The following ROBO2 variants were observed in gnomAD, a reference collection of about 807,000 sequenced individuals.
The protein encoded by ROBO2 is roundabout guidance receptor 2, also known as roundabout homolog 2.
A neutral mutation model predicts 160.8 loss-of-function variants in ROBO2; 53 were observed. That is an observed-to-expected ratio of 0.33 (90% CI 0.26 to 0.41). The LOEUF is 0.41. Ranked by LOEUF, ROBO2 falls within the 10% of genes least tolerant of loss-of-function variation. ROBO2 has a pLI of 1.00. For synonymous variants in ROBO2, 664 were observed against 611.7 expected (o/e 1.09, Z -1.26); for missense variants, 1,577 against 1,722.4 (o/e 0.92, Z 1.49).
chr3:77,188,044 C>T (rs1265462933), intron 2 of ROBO2, among the ~76,000 whole-genome samples: 1 of 144,928 alleles, frequency 6.9e-6, no homozygotes, highest in Non-Finnish European at 1.5e-5. Context: ...TGAGTAAGAC[C>T]ATAATTTTTG....
intron 2 of ROBO2, among the ~76,000 whole-genome samples, chr3:76,599,064 A>C (rs2086924314): frequency 6.6e-6 from 1 of 152,296 alleles, no homozygotes; most frequent in South Asian, 2.1e-4. Context: ...ACATTAAAAC[A>C]AAAATTTAAA....
At chr3:77,610,667 C>G (rs934882250) in intron 21 of ROBO2, among the ~76,000 whole-genome samples, 6 of 115,546 alleles carry the variant, frequency 5.2e-5, no homozygotes, top group Non-Finnish European at 9.9e-5. Context: ...GATTGTTAGT[C>G]AACAACTATA....
intron 2 of ROBO2, among the ~76,000 whole-genome samples, chr3:76,413,545 G>A (rs1057343997): frequency 6.6e-6 from 1 of 152,074 alleles, no homozygotes; most frequent in Non-Finnish European, 1.5e-5. Context: ...TCTCTCTCAA[G>A]TTCAAAGTTC....
intron 2 of ROBO2, among the ~76,000 whole-genome samples, chr3:76,774,431 G>T (rs1379594714): frequency 6.6e-6 from 1 of 150,956 alleles, no homozygotes; most frequent in Non-Finnish European, 1.5e-5. Flanking sequence ...AGTCTTTATA[G>T]AAATAATTTC....
chr3:77,646,525 ACTC>A (rs1403278886), exon 26 of ROBO2: 4 of 152,830 alleles, frequency 2.6e-5, no homozygotes, highest in Middle Eastern at 6.3e-3. Flanking sequence ...ACAAATCTCT[ACTC>A]CTCATGACAT....
At chr3:76,437,637 A>G (rs934485251) in intron 2 of ROBO2, among the ~76,000 whole-genome samples, 3 of 152,184 alleles carry the variant, frequency 2.0e-5, no homozygotes, top group Non-Finnish European at 4.4e-5. Flanking sequence ...CATACTTGTT[A>G]TCTTAAAAAT....
chr3:77,493,475 A>G lies in ROBO2; in HGVS notation c.806+93A>G, dbSNP rs2086395628. 2.9e-6 allele frequency: 4 copies of G among 1,363,508 alleles called. No homozygotes were observed. The Admixed American group carries it at 5.3e-5, about 18-fold the overall frequency. 84.5% of individuals were successfully genotyped at this position (1,363,508 alleles called of 1,614,324 possible). A position where few individuals can be genotyped will look rare whatever the true frequency, so the allele number is the denominator to read the frequency against. On this transcript the variant is annotated intron_variant, in intron 5 of 25. Coordinates refer to ENST00000461745, the Ensembl canonical transcript of ROBO2. ...TACAATGCCACCACCAAACACTCCT[A>G]TGTCTTGGGGTACTTTCACTCATGT...
At chr3:77,627,423 G>T (rs2095052709) in intron 23 of ROBO2, among the ~76,000 whole-genome samples, 1 of 151,938 alleles carries the variant, frequency 6.6e-6, no homozygotes, top group Non-Finnish European at 1.5e-5. Flanking sequence ...GGGATTGCAG[G>T]CTCGGGCCAC....
At chr3:77,380,501 G>A (rs764127973) in intron 2 of ROBO2, among the ~76,000 whole-genome samples, 1 of 152,160 alleles carries the variant, frequency 6.6e-6, no homozygotes, top group South Asian at 2.1e-4. Context: ...TATCAAAGGA[G>A]AAGAATGAAA....
At chr3:76,248,116 T>A (rs1705736746) in intron 2 of ROBO2, among the ~76,000 whole-genome samples, 1 of 151,954 alleles carries the variant, frequency 6.6e-6, no homozygotes, top group Non-Finnish European at 1.5e-5. Context: ...AGAAATACCA[T>A]TTGACTCAGC....
At chr3:77,134,645 T>G (rs1263736994) in intron 2 of ROBO2, among the ~76,000 whole-genome samples, 1 of 152,208 alleles carries the variant, frequency 6.6e-6, no homozygotes, top group Non-Finnish European at 1.5e-5. Flanking sequence ...CTGTCAACAC[T>G]TCTGAAACCC....
intron 2 of ROBO2, among the ~76,000 whole-genome samples, chr3:77,291,742 T>G (rs1183645541): frequency 2.0e-5 from 3 of 150,834 alleles, no homozygotes; most frequent in Non-Finnish European, 2.9e-5. Context: ...ACGGGTAAGC[T>G]GAGGCTAGAT....
chr3:77,499,112 T>A (rs1333479477), intron 5 of ROBO2, among the ~76,000 whole-genome samples: 3 of 152,228 alleles, frequency 2.0e-5, no homozygotes, highest in Non-Finnish European at 2.9e-5. Context: ...TAATACAAAT[T>A]ACAATAACAT....
At chr3:76,765,066 T>A (rs2061504373) in intron 2 of ROBO2, among the ~76,000 whole-genome samples, 1 of 151,680 alleles carries the variant, frequency 6.6e-6, no homozygotes, top group Non-Finnish European at 1.5e-5. Flanking sequence ...TCTCCGACCC[T>A]TCCACCCTCT....
intron 2 of ROBO2, among the ~76,000 whole-genome samples, chr3:75,984,436 A>T (rs558682591): frequency 6.6e-6 from 1 of 151,586 alleles, no homozygotes; most frequent in East Asian, 1.9e-4. Flanking sequence ...ACAGATTAGG[A>T]TCTCTGGATA....
At chr3:75,990,082 T>C (rs549049699) in intron 2 of ROBO2, among the ~76,000 whole-genome samples, 16 of 152,306 alleles carry the variant, frequency 1.1e-4, no homozygotes, top group African/African-American at 3.8e-4. Flanking sequence ...TAAATAAGCT[T>C]ATAAAGTATG....
intron 2 of ROBO2, among the ~76,000 whole-genome samples, chr3:77,121,534 G>T (rs1560053861): frequency 1.3e-5 from 2 of 152,090 alleles, no homozygotes; most frequent in East Asian, 1.9e-4. Context: ...TGAAATAATT[G>T]TTTTATCTGC....
At chr3:75,939,630 T>C (rs1293871460) in intron 2 of ROBO2, among the ~76,000 whole-genome samples, 1 of 152,170 alleles carries the variant, frequency 6.6e-6, no homozygotes, top group Non-Finnish European at 1.5e-5. Flanking sequence ...GCAATTTTGC[T>C]TCCTTTGTGG....
At chr3:76,916,694 A>G (rs2076336050) in intron 2 of ROBO2, among the ~76,000 whole-genome samples, 1 of 152,002 alleles carries the variant, frequency 6.6e-6, no homozygotes, top group Admixed American at 6.6e-5. Flanking sequence ...TTATATATGA[A>G]TTACTGTGAT....
Sources: allele counts gnomAD v4.1 joint callset (sites outside exome capture counted in the v4.1 genomes callset), GRCh38; gene constraint gnomAD v4.1.1; transcripts MANE v1.5; gene names NCBI Gene and HGNC (gene_info 2026-07-23, HGNC 2026-07-21).